The following PIK3CA variants were observed in gnomAD, a reference collection of about 807,000 sequenced individuals.
PIK3CA encodes the protein phosphatidylinositol 4,5-bisphosphate 3-kinase catalytic subunit alpha isoform.
Under a neutral mutation model 138.2 loss-of-function variants are expected in PIK3CA, and 27 were observed. The observed-to-expected ratio is 0.20, with a 90% CI of 0.14 to 0.27. The LOEUF (loss-of-function observed/expected upper bound fraction) is 0.27, where lower values mean the gene tolerates loss of function less well. Among genes scored for constraint, PIK3CA ranks in the 10% least tolerant of loss-of-function variants. The pLI, the probability that PIK3CA is intolerant of heterozygous loss-of-function variation, is 1.00. For synonymous variants in PIK3CA, 358 were observed against 413.2 expected (o/e 0.87, Z 1.62); for missense variants, 544 against 1,277.4 (o/e 0.43, Z 8.75).
At chr3:179,206,413 A>G (rs2108396426) in intron 6 of PIK3CA, among the ~76,000 whole-genome samples, 1 of 152,260 alleles carries the variant, frequency 6.6e-6, no homozygotes, top group East Asian at 1.9e-4. Context: ...TCATACTGGT[A>G]TGCCTCACAC....
intron 20 of PIK3CA, among the ~76,000 whole-genome samples, chr3:179,233,722 T>C (rs1725265163): frequency 6.6e-6 from 1 of 152,188 alleles, no homozygotes; most frequent in Non-Finnish European, 1.5e-5. Flanking sequence ...ATATCAGACT[T>C]TAAAGTACTT....
intron 1 of PIK3CA, among the ~76,000 whole-genome samples, chr3:179,185,805 AG>A (rs1723966634): frequency 6.6e-6 from 1 of 152,212 alleles, no homozygotes; most frequent in Non-Finnish European, 1.5e-5. Flanking sequence ...GCTTGTGGGA[AG>A]GGGTGTGGAG....
chr3:179,174,521 T>G (rs1418598531), intron 1 of PIK3CA, among the ~76,000 whole-genome samples: 1 of 152,038 alleles, frequency 6.6e-6, no homozygotes, highest in East Asian at 1.9e-4. Context: ...TCCCCCCCAT[T>G]CCCTCTCACA....
chr3:179,233,630 T>G (rs191661653), intron 20 of PIK3CA, among the ~76,000 whole-genome samples: 15 of 152,310 alleles, frequency 9.8e-5, no homozygotes, highest in Admixed American at 7.9e-4. Flanking sequence ...TTTTTGGTCA[T>G]ACACTTTGAG....
intron 14 of PIK3CA, among the ~76,000 whole-genome samples, chr3:179,221,696 CTTTTTTTTTTTTT>C (rs200211358): frequency 2.6e-5 from 2 of 77,584 alleles, no homozygotes; most frequent in African/African-American, 1.1e-4. Context: ...ACAATGTAAA[CTTTTTTTTTTTTT>C]TTTTTTTTTT....
chr3:179,229,651 AT>A (rs910285060), intron 18 of PIK3CA, among the ~76,000 whole-genome samples: 6 of 152,188 alleles, frequency 3.9e-5, no homozygotes, highest in African/African-American at 1.4e-4. Context: ...CATTCATCTT[AT>A]GTATTATCTA....
intron 1 of PIK3CA, among the ~76,000 whole-genome samples, chr3:179,168,419 A>C (rs1161105501): frequency 6.6e-6 from 1 of 152,162 alleles, no homozygotes; most frequent in African/African-American, 2.4e-5. Context: ...CATCTCTGAA[A>C]GCTTTTAAGC....
rs1725337852 is a variant in PIK3CA at position 179,236,628 on chromosome 3, G to A, written c.*2264G>A. On this transcript the variant is annotated 3_prime_UTR_variant, in exon 21 of 21. Transcript: ENST00000263967. ...TTTTGCATTTTTATCTATCAGTCCAGATAGTTGTCTCCCCTCCTTCTCCCA... is the reference window on the plus strand; with the variant it reads ...TTTTGCATTTTTATCTATCAGTCCAAATAGTTGTCTCCCCTCCTTCTCCCA... 4.4e-6 allele frequency: 1 copy of A among 227,070 alleles called. No homozygotes were observed. The highest frequency in any genetic ancestry group is 2.2e-5 in the African/African-American group (1 of 44,940). 14.1% of individuals were successfully genotyped at this position (227,070 alleles called of 1,614,324 possible).
At chr3:179,229,916 A>AATGG (rs1238154214) in intron 18 of PIK3CA, 88 bp from the exon 19 acceptor site, 3 of 761,722 alleles carry the variant, frequency 3.9e-6, no homozygotes, top group Non-Finnish European at 6.4e-6. Context: ...TCATTGTTTA[A>AATGG]ATGGAAACTT....
At chr3:179,201,782 T>C (rs1724417903) in intron 4 of PIK3CA, among the ~76,000 whole-genome samples, 1 of 151,888 alleles carries the variant, frequency 6.6e-6, no homozygotes, top group African/African-American at 2.4e-5. Context: ...ATTTTTTGTA[T>C]TTTTAGTAGA....
chr3:179,239,295 T>C lies in PIK3CA; in HGVS notation c.*4931T>C, dbSNP rs1560152323. ...AATTTTGTGGTTATGCTAAGAACCA[T>C]GTATACTTTTAGGTATTCTTATTTT... On this transcript the variant is annotated 3_prime_UTR_variant, in exon 21 of 21. Coordinates refer to ENST00000263967, the MANE Select transcript of PIK3CA (RefSeq NM_006218.4). 1 of 203,350 alleles carries C rather than the reference T, an allele frequency of 4.9e-6. No homozygotes were observed. Among genetic ancestry groups the C allele is most frequent in the Non-Finnish European group, 1.0e-5 (1 of 99,044 alleles). 12.6% of individuals were successfully genotyped at this position (203,350 alleles called of 1,614,324 possible).
At chr3:179,232,029 A>G (rs891224707) in intron 20 of PIK3CA, among the ~76,000 whole-genome samples, 13 of 152,122 alleles carry the variant, frequency 8.5e-5, no homozygotes, top group Non-Finnish European at 7.4e-5. Context: ...TCAGATGCAT[A>G]GTTTGGGAAT....
Position 179,221,696 on chromosome 3 carries a change from C to CTTTTTTTT in PIK3CA, c.2187+561_2187+568dup, listed in dbSNP as rs200211358. Among the ~76,000 whole-genome samples the CTTTTTTTT allele has an allele frequency of 3.9e-5, 3 of 77,570 alleles. 1 individual carries two copies. Among genetic ancestry groups the CTTTTTTTT allele is most frequent in the African/African-American group, 1.1e-4 (2 of 18,226 alleles). 50.9% of individuals were successfully genotyped at this position (77,570 alleles called of 152,430 possible). ...CTAAGAGTAGGAAATACAATGTAAA[C>CTTTTTTTT]TTTTTTTTTTTTTTTTTTTTTTTTT... On this transcript the variant is annotated intron_variant, in intron 14 of 20. Transcript: ENST00000263967.
chr3:179,156,839 C>T (rs1037909113), intron 1 of PIK3CA, among the ~76,000 whole-genome samples: 8 of 152,096 alleles, frequency 5.3e-5, no homozygotes, highest in African/African-American at 1.9e-4. Flanking sequence ...TCCTGATGGA[C>T]TTATGGCAGG....
intron 6 of PIK3CA, among the ~76,000 whole-genome samples, chr3:179,207,612 C>T (rs1000235547): frequency 2.0e-5 from 3 of 150,048 alleles, no homozygotes; most frequent in Admixed American, 6.7e-5. Flanking sequence ...ATGGCACAAA[C>T]TCGACTCACT....
intron 1 of PIK3CA, among the ~76,000 whole-genome samples, chr3:179,160,101 A>G (rs1418893490): frequency 2.0e-5 from 3 of 152,158 alleles, no homozygotes; most frequent in Non-Finnish European, 4.4e-5. Context: ...GACTTGATGA[A>G]CACTGCACCC....
At chr3:179,150,362 C>A (rs553720945) in intron 1 of PIK3CA, among the ~76,000 whole-genome samples, 1 of 151,998 alleles carries the variant, frequency 6.6e-6, no homozygotes, top group South Asian at 2.1e-4. Context: ...ATAATAGCAT[C>A]ATGGGGGAAA....
intron 1 of PIK3CA, among the ~76,000 whole-genome samples, chr3:179,188,803 T>G (rs1332331352): frequency 1.3e-5 from 2 of 152,262 alleles, no homozygotes; most frequent in Non-Finnish European, 2.9e-5. Flanking sequence ...TAAGTACATT[T>G]GCCTTTTCTC....
chr3:179,196,652 C>A (rs1724272213), intron 1 of PIK3CA, among the ~76,000 whole-genome samples: 1 of 152,220 alleles, frequency 6.6e-6, no homozygotes, highest in African/African-American at 2.4e-5. Flanking sequence ...GCTATTCCTA[C>A]TCTTCACATC....
Sources: gnomAD v4.1 joint callset for allele counts (sites outside exome capture counted in the v4.1 genomes callset) on GRCh38, gnomAD v4.1.1 for gene constraint, MANE v1.5 for transcripts, NCBI Gene and HGNC (gene_info 2026-07-23, HGNC 2026-07-21) for gene names.